The following TNFSF4 variants were observed in gnomAD, a reference collection of about 807,000 sequenced individuals.
The protein encoded by TNFSF4 is TNF superfamily member 4.
TNFSF4 carries 4 observed loss-of-function variants against 7.3 expected under a neutral mutation model. The ratio of observed to expected loss-of-function variants is 0.55; its 90% CI spans 0.27 to 1.25. TNFSF4 has a LOEUF of 1.25. Ranked by LOEUF, TNFSF4 falls within the 50% of genes most tolerant of loss-of-function variation. The pLI is 0.12. For missense variants in TNFSF4, 181 were observed against 208.8 expected (o/e 0.87, Z 0.82); for synonymous variants, 76 against 83.7 (o/e 0.91, Z 0.50).
the TNFSF4 span, among the ~76,000 whole-genome samples, chr1:173,447,813 G>C: frequency 1.3e-5 from 2 of 151,860 alleles, no homozygotes; most frequent in Admixed American, 1.3e-4. Context: ...AATTATCTAA[G>C]CACACCAATT....
the TNFSF4 span, among the ~76,000 whole-genome samples, chr1:173,218,905 T>C: frequency 1.3e-5 from 2 of 152,154 alleles, no homozygotes; most frequent in African/African-American, 2.4e-5. Flanking sequence ...AGTCCCTTTC[T>C]AACCTCCTCA....
At chr1:173,296,590 G>T in the TNFSF4 span, among the ~76,000 whole-genome samples, 3 of 151,890 alleles carry the variant, frequency 2.0e-5, no homozygotes, top group Non-Finnish European at 2.9e-5. Context: ...GGCTGCAAAG[G>T]GGGTTGAGTG....
At chr1:173,406,501 C>T in the TNFSF4 span, among the ~76,000 whole-genome samples, 2 of 152,124 alleles carry the variant, frequency 1.3e-5, no homozygotes, top group East Asian at 1.9e-4. Flanking sequence ...GAGTCCTAGG[C>T]ACTTTTGCCT....
the TNFSF4 span, among the ~76,000 whole-genome samples, chr1:173,327,984 C>G: frequency 1.3e-5 from 2 of 152,140 alleles, no homozygotes; most frequent in Non-Finnish European, 2.9e-5. Flanking sequence ...TACCATTTCA[C>G]CCAGCAATCC....
intron 1 of TNFSF4, 41 bp downstream of exon 1, chr1:173,206,983 C>CA (rs1342466309): frequency 1.9e-6 from 3 of 1,560,334 alleles, no homozygotes; most frequent in African/African-American, 1.4e-5. Context: ...CTGCCATCAG[C>CA]ATGAGCTGGT....
the TNFSF4 span, among the ~76,000 whole-genome samples, chr1:173,281,662 A>C: frequency 6.6e-6 from 1 of 152,174 alleles, no homozygotes; most frequent in Non-Finnish European, 1.5e-5. Flanking sequence ...GCTCAAGGTG[A>C]TCAATGTTCT....
the TNFSF4 span, among the ~76,000 whole-genome samples, chr1:173,290,623 C>T: frequency 6.6e-6 from 1 of 152,200 alleles, no homozygotes; most frequent in South Asian, 2.1e-4. Context: ...GATAACCACA[C>T]AAGAATAGTG....
chr1:173,370,822 C>A, the TNFSF4 span, among the ~76,000 whole-genome samples: 2 of 152,182 alleles, frequency 1.3e-5, no homozygotes, highest in East Asian at 1.9e-4. Flanking sequence ...GGCCCTCAGA[C>A]AAACAAACCT....
the TNFSF4 span, among the ~76,000 whole-genome samples, chr1:173,366,278 C>T: frequency 1.3e-5 from 2 of 152,056 alleles, no homozygotes; most frequent in Non-Finnish European, 2.9e-5. Context: ...AATACATATC[C>T]ACAATGGAGC....
the TNFSF4 span, among the ~76,000 whole-genome samples, chr1:173,310,652 T>C: frequency 6.6e-6 from 1 of 151,686 alleles, no homozygotes; most frequent in African/African-American, 2.4e-5. Flanking sequence ...AAATTTTCTA[T>C]AATTTTATTG....
chr1:173,365,104 A>G, the TNFSF4 span, among the ~76,000 whole-genome samples: 2 of 150,924 alleles, frequency 1.3e-5, no homozygotes, highest in Non-Finnish European at 2.9e-5. Flanking sequence ...AAAAAAAAAG[A>G]CAGAAAAAAG....
At chr1:173,406,204 A>T in the TNFSF4 span, among the ~76,000 whole-genome samples, 5 of 152,216 alleles carry the variant, frequency 3.3e-5, no homozygotes, top group Non-Finnish European at 5.9e-5. Flanking sequence ...TATAGTAGGC[A>T]CTCAATAAAT....
the TNFSF4 span, among the ~76,000 whole-genome samples, chr1:173,386,864 A>G: frequency 6.6e-6 from 1 of 152,216 alleles, no homozygotes; most frequent in Non-Finnish European, 1.5e-5. Flanking sequence ...TGTTTGTCTT[A>G]CTGGGTTTTG....
At chr1:173,387,407 G>A in the TNFSF4 span, among the ~76,000 whole-genome samples, 1 of 152,176 alleles carries the variant, frequency 6.6e-6, no homozygotes, top group Non-Finnish European at 1.5e-5. Flanking sequence ...TGGAAGGAGA[G>A]CAGCCCTCAC....
At chr1:173,321,483 C>G in the TNFSF4 span, among the ~76,000 whole-genome samples, 1 of 152,062 alleles carries the variant, frequency 6.6e-6, no homozygotes, top group Admixed American at 6.6e-5. Context: ...CAAATGGGAT[C>G]TAATTAAACT....
the TNFSF4 span, among the ~76,000 whole-genome samples, chr1:173,276,768 G>A: frequency 1.7e-3 from 263 of 152,256 alleles, 1 homozygote; most frequent in African/African-American, 5.8e-3. Context: ...TGGGCTAATC[G>A]CAGGTAGGAT....
At chr1:173,285,601 C>T in the TNFSF4 span, among the ~76,000 whole-genome samples, 1 of 152,128 alleles carries the variant, frequency 6.6e-6, no homozygotes, top group African/African-American at 2.4e-5. Context: ...ATTGCCACTG[C>T]CACCACAACA....
chr1:173,190,390 A>G (rs1036214066), intron 1 of TNFSF4, among the ~76,000 whole-genome samples: 2 of 152,180 alleles, frequency 1.3e-5, no homozygotes, highest in Non-Finnish European at 2.9e-5. Context: ...GCACCTGCCC[A>G]CACAGACGAG....
At chr1:173,413,693 C>T in the TNFSF4 span, among the ~76,000 whole-genome samples, 4 of 152,312 alleles carry the variant, frequency 2.6e-5, no homozygotes, top group South Asian at 4.1e-4. Context: ...TAAGGTGTGA[C>T]GTTTGGCCCT....
Sources: gnomAD v4.1 joint callset for allele counts (sites outside exome capture counted in the v4.1 genomes callset) on GRCh38, gnomAD v4.1.1 for gene constraint, MANE v1.5 for transcripts, NCBI Gene and HGNC (gene_info 2026-07-23, HGNC 2026-07-21) for gene names.